TNR: variants seen among roughly 807,000 people sequenced by gnomAD.
TNR encodes tenascin R, also known as tenascin-R.
In TNR, 45 loss-of-function variants were observed where a neutral mutation model predicts 150.4. The ratio of observed to expected loss-of-function variants is 0.30; its 90% CI spans 0.24 to 0.38. The LOEUF is 0.38. Ranked by LOEUF, TNR falls within the 10% of genes least tolerant of loss-of-function variation. The probability of loss-of-function intolerance (pLI) is 1.00; values close to 1 mark genes in which losing one functional copy is unlikely to be tolerated. For synonymous variants in TNR, 687 were observed against 678.4 expected, an observed-to-expected ratio of 1.01 and a Z score of -0.20; for missense variants, 1,544 against 1,759.1, an observed-to-expected ratio of 0.88 and a Z score of 2.19.
intron 2 of TNR, among the ~76,000 whole-genome samples, chr1:175,423,620 C>A (rs973390778): frequency 1.3e-5 from 2 of 152,156 alleles, no homozygotes; most frequent in African/African-American, 4.8e-5. Flanking sequence ...GTCCCTGAAA[C>A]TAGACCCTAA....
chr1:175,678,416 C>T (rs1665931243), intron 1 of TNR, among the ~76,000 whole-genome samples: 1 of 152,226 alleles, frequency 6.6e-6, no homozygotes, highest in African/African-American at 2.4e-5. Context: ...CTTTTGAAAA[C>T]CACCACTTTA....
Position 175,363,665 on chromosome 1 carries a change from A to C in TNR, c.2707+43T>G, listed in dbSNP as rs199886690. The C allele has an allele frequency of 5.1e-4, 820 of 1,598,132 alleles. 11 individuals carry two copies. The South Asian group carries it at 8.7e-3, about 17-fold the overall frequency. ...ATATGCTAGTTCTCCCATAATCTTC[A>C]CCCAAATCCTAGTATCTTTGAGAAA... On this transcript the variant is annotated intron_variant, in intron 13 of 22. Transcript: ENST00000367674.
chr1:175,402,135 G>A (rs1459274481), intron 4 of TNR, among the ~76,000 whole-genome samples: 4 of 151,240 alleles, frequency 2.6e-5, no homozygotes, highest in Non-Finnish European at 5.9e-5. Flanking sequence ...GTGAAACCCC[G>A]TCTCTACTAA....
chr1:175,466,584 T>G (rs924692664), intron 2 of TNR, among the ~76,000 whole-genome samples: 3 of 152,204 alleles, frequency 2.0e-5, no homozygotes, highest in African/African-American at 7.2e-5. Context: ...CACATTTTTT[T>G]CTGGGCCAGC....
intron 1 of TNR, among the ~76,000 whole-genome samples, chr1:175,571,606 C>T (rs775814550): frequency 6.6e-6 from 1 of 152,182 alleles, no homozygotes; most frequent in Non-Finnish European, 1.5e-5. Context: ...TCCTATCCGC[C>T]CTGAAAATCT....
chr1:175,451,691 G>C (rs766715685), intron 2 of TNR, among the ~76,000 whole-genome samples: 1 of 152,200 alleles, frequency 6.6e-6, no homozygotes, highest in Non-Finnish European at 1.5e-5. Flanking sequence ...TATGGAGCCC[G>C]TCTATCTCAG....
chr1:175,503,646 CA>C (rs1658831456), intron 2 of TNR, among the ~76,000 whole-genome samples: 1 of 152,150 alleles, frequency 6.6e-6, no homozygotes, highest in Admixed American at 6.5e-5. Flanking sequence ...AGCTTTCTCC[CA>C]GCAGAATGAG....
At chr1:175,666,280 A>G (rs915943373) in intron 1 of TNR, among the ~76,000 whole-genome samples, 3 of 152,162 alleles carry the variant, frequency 2.0e-5, no homozygotes, top group Admixed American at 6.5e-5. Context: ...TCTCTGGCCA[A>G]TAGTCCAAGG....
chr1:175,410,477 G>A (rs1303729091), intron 2 of TNR, among the ~76,000 whole-genome samples: 1 of 152,240 alleles, frequency 6.6e-6, no homozygotes, highest in African/African-American at 2.4e-5. Context: ...GCTGCTCTGA[G>A]AAGGCTGGAG....
chr1:175,344,487 C>T (rs903106474), intron 18 of TNR, among the ~76,000 whole-genome samples: 6 of 152,160 alleles, frequency 3.9e-5, no homozygotes, highest in African/African-American at 1.4e-4. Flanking sequence ...TCTCCTGCCT[C>T]AATAGTAGGT....
chr1:175,615,812 C>T (rs1450287895), intron 1 of TNR, among the ~76,000 whole-genome samples: 1 of 152,190 alleles, frequency 6.6e-6, no homozygotes, highest in Non-Finnish European at 1.5e-5. Flanking sequence ...TAGCTTGCAC[C>T]TTTCAGTTAG....
At chr1:175,661,728 C>T (rs750117692) in intron 1 of TNR, among the ~76,000 whole-genome samples, 4 of 152,080 alleles carry the variant, frequency 2.6e-5, no homozygotes, top group Non-Finnish European at 4.4e-5. Flanking sequence ...ACATTTCTCT[C>T]CCTGACTTTA....
intron 2 of TNR, among the ~76,000 whole-genome samples, chr1:175,422,175 GTCT>G (rs1222557443): frequency 6.6e-6 from 1 of 152,212 alleles, no homozygotes; most frequent in Non-Finnish European, 1.5e-5. Flanking sequence ...TGATTGGGAA[GTCT>G]TCTTATAAGA....
In TNR at chr1:175,341,501, AT is replaced by A. The variant is rs561126406; in HGVS notation, c.3383-3823del. Among the ~76,000 whole-genome samples the A allele has an allele frequency of 8.3e-4, 126 of 152,258 alleles. 2 individuals carry two copies. The highest frequency in any genetic ancestry group is 2.9e-3 in the African/African-American group (122 of 41,542). On this transcript the variant is annotated intron_variant, in intron 18 of 22. Coordinates refer to ENST00000367674, the MANE Select transcript of TNR (RefSeq NM_003285.3). ...CGTTCACCAGAAGAATTGCTCTGAA[AT>A]TGGTTTGTTTTGGGAAGTGGAGGCT...
chr1:175,392,437 ACCTTGGCATTC>A (rs2102035776), intron 6 of TNR, among the ~76,000 whole-genome samples: 1 of 152,304 alleles, frequency 6.6e-6, no homozygotes, highest in South Asian at 2.1e-4. Context: ...CATGCATTTG[ACCTTGGCATTC>A]CCTGGTCAGC....
intron 1 of TNR, among the ~76,000 whole-genome samples, chr1:175,596,255 G>A (rs1251726831): frequency 6.6e-6 from 1 of 152,200 alleles, no homozygotes; most frequent in East Asian, 1.9e-4. Context: ...AGAAACCCGT[G>A]TTTCTGCACG....
At chr1:175,641,491 A>G (rs1028554507) in intron 1 of TNR, among the ~76,000 whole-genome samples, 5 of 152,208 alleles carry the variant, frequency 3.3e-5, no homozygotes, top group Non-Finnish European at 5.9e-5. Context: ...TAATATACTC[A>G]ATGGCATCTT....
intron 10 of TNR, 132 bp from the exon 11 acceptor site, chr1:175,366,270 T>G: frequency 1.0e-6 from 1 of 996,226 alleles, no homozygotes; most frequent in Non-Finnish European, 1.4e-6. Flanking sequence ...TTGCTGACAC[T>G]TATCTAATAT....
intron 1 of TNR, among the ~76,000 whole-genome samples, chr1:175,557,578 T>A (rs1248325391): frequency 6.6e-6 from 1 of 152,064 alleles, no homozygotes; most frequent in Non-Finnish European, 1.5e-5. Flanking sequence ...AAGATAGCCA[T>A]CTCACACCAG....
Sources: gnomAD v4.1 joint callset for allele counts (sites outside exome capture counted in the v4.1 genomes callset) on GRCh38, gnomAD v4.1.1 for gene constraint, MANE v1.5 for transcripts, NCBI Gene and HGNC (gene_info 2026-07-23, HGNC 2026-07-21) for gene names.